PLEKHA1: variants seen among roughly 807,000 people sequenced by gnomAD.
PLEKHA1 encodes the protein pleckstrin homology domain containing A1.
A neutral mutation model predicts 52.0 loss-of-function variants in PLEKHA1; 34 were observed. That is an observed-to-expected ratio of 0.65 (90% CI 0.50 to 0.87). The LOEUF is 0.87. PLEKHA1 is among the 40% of genes least tolerant of loss of function. The probability of loss-of-function intolerance (pLI) is 0.00; values close to 1 mark genes in which losing one functional copy is unlikely to be tolerated. For missense variants in PLEKHA1, 497 were observed against 504.2 expected, an observed-to-expected ratio of 0.99 and a Z score of 0.14; for synonymous variants, 163 against 170.7, an observed-to-expected ratio of 0.95 and a Z score of 0.35.
intron 4 of PLEKHA1, among the ~76,000 whole-genome samples, chr10:122,401,838 G>A (rs1354259844): frequency 6.6e-6 from 1 of 152,154 alleles, no homozygotes; most frequent in East Asian, 1.9e-4. Flanking sequence ...AGATACTTTT[G>A]GGAGTAGAAT....
downstream of PLEKHA1, chr10:122,437,058 T>TC (rs1260551675): frequency 6.8e-6 from 1 of 146,892 alleles, no homozygotes; most frequent in East Asian, 2.2e-4. Flanking sequence ...TGTAACCTAT[T>TC]CCCTGTGGAA....
At chr10:122,423,775 A>G (rs2097297757) in intron 8 of PLEKHA1, 2 of 161,494 alleles carry the variant, frequency 1.2e-5, no homozygotes, top group South Asian at 3.7e-4. Context: ...GTATTTATAT[A>G]AAAGTGATAT....
rs1032974871 is a variant in PLEKHA1, at chr10:122,388,780, C to T, written c.-20-4401C>T. ...AGTTTTAACTCAATGTTGGTGGCTG[C>T]TGACTGATTAGGATAGTGGTTGCTG... On this transcript the variant is annotated intron_variant, in intron 1 of 11. Transcript: ENST00000368990. Among the ~76,000 whole-genome samples the T allele has an allele frequency of 3.3e-5, 5 of 152,318 alleles. No individual in the cohort carries two copies. In the East Asian group the frequency reaches 9.6e-4, roughly 29 times the overall value.
intron 8 of PLEKHA1, chr10:122,423,750 T>C (rs765756803): frequency 2.2e-4 from 34 of 157,444 alleles, no homozygotes; most frequent in Non-Finnish European, 4.3e-4. Flanking sequence ...CAGCACTTAG[T>C]AAACATTCAA....
At chr10:122,441,068 A>G in the PLEKHA1 span, 3 of 152,200 alleles carry the variant, frequency 2.0e-5, no homozygotes, top group Non-Finnish European at 2.9e-5. Context: ...AGAACTTGCT[A>G]GAAGTGCAAA....
intron 5 of PLEKHA1, among the ~76,000 whole-genome samples, chr10:122,407,345 A>G (rs963519470): frequency 3.9e-5 from 6 of 152,064 alleles, no homozygotes; most frequent in Non-Finnish European, 8.8e-5. Flanking sequence ...TTCCTGATGA[A>G]TATTTATTGA....
chr10:122,389,310 A>G (rs1004815067), intron 1 of PLEKHA1, among the ~76,000 whole-genome samples: 2 of 152,180 alleles, frequency 1.3e-5, no homozygotes, highest in Admixed American at 6.5e-5. Flanking sequence ...CACCTTGCAC[A>G]TTTTCATCAG....
chr10:122,399,775 CG>C (rs1258356354), intron 3 of PLEKHA1, among the ~76,000 whole-genome samples: 3 of 151,876 alleles, frequency 2.0e-5, no homozygotes, highest in African/African-American at 7.3e-5. Context: ...TTAGTAGAGA[CG>C]GGGTTTCACC....
rs2096801841 is a variant in PLEKHA1, at chr10:122,393,404, T to C, written c.141+63T>C. On this transcript the variant is annotated intron_variant, in intron 2 of 11. Transcript: ENST00000368990. The surrounding 1 kb of genome is among the most constrained non-coding windows in gnomAD (Gnocchi z 4.5). The stretch of plus-strand genomic sequence containing the variant: ...GAAAGTTGTATTTAAGTATTTAACA[T>C]ACTATACAGGCTTTAGATTTGTCTT... The C allele has an allele frequency of 7.0e-7, 1 of 1,418,920 alleles. No individual in the cohort carries two copies. The highest frequency in any genetic ancestry group is 2.7e-5 in the Admixed American group (1 of 36,630). 87.9% of individuals were successfully genotyped at this position (1,418,920 alleles called of 1,614,324 possible). A position where few individuals can be genotyped will look rare whatever the true frequency, so the allele number is the denominator to read the frequency against.
intron 1 of PLEKHA1, among the ~76,000 whole-genome samples, chr10:122,384,991 T>G (rs2096668763): frequency 6.6e-6 from 1 of 152,086 alleles, no homozygotes; most frequent in African/African-American, 2.4e-5. Context: ...GGTACTGGAT[T>G]TTTAACCTTT....
intron 4 of PLEKHA1, among the ~76,000 whole-genome samples, chr10:122,404,697 A>G (rs1453231401): frequency 1.3e-5 from 2 of 152,258 alleles, no homozygotes; most frequent in Admixed American, 6.5e-5. Context: ...GTCTCTAGAA[A>G]GATGTACAAG....
chr10:122,390,010 C>T (rs2096755084), intron 1 of PLEKHA1, among the ~76,000 whole-genome samples: 2 of 152,356 alleles, frequency 1.3e-5, no homozygotes, highest in Admixed American at 1.3e-4. Flanking sequence ...AATCTCTTTA[C>T]TGTACCCACC....
At chr10:122,397,001 T>C (rs1184765592) in intron 2 of PLEKHA1, among the ~76,000 whole-genome samples, 2 of 152,158 alleles carry the variant, frequency 1.3e-5, no homozygotes, top group Middle Eastern at 3.2e-3. Flanking sequence ...AATTCTTTGC[T>C]ACTTTTTTAT....
At chr10:122,398,638 A>G (rs2096884593) in intron 3 of PLEKHA1, among the ~76,000 whole-genome samples, 1 of 151,412 alleles carries the variant, frequency 6.6e-6, no homozygotes, top group Non-Finnish European at 1.5e-5. Context: ...TGTTACATAA[A>G]AGTAATAAAA....
intron 1 of PLEKHA1, 186 bp downstream of exon 1, chr10:122,374,992 A>C (rs1349632827): frequency 4.0e-5 from 6 of 151,734 alleles, no homozygotes. Context: ...CCCTCTGCGC[A>C]CGTCCGCGCC....
At chr10:122,435,817 G>A (rs2097435512), downstream of PLEKHA1, 1 of 151,844 alleles carries the variant, frequency 6.6e-6, no homozygotes, top group South Asian at 2.1e-4. Flanking sequence ...TATTCAGGAA[G>A]CTGAGGCAAT....
At chr10:122,416,392 T>A (rs2097175666) in intron 7 of PLEKHA1, among the ~76,000 whole-genome samples, 1 of 152,196 alleles carries the variant, frequency 6.6e-6, no homozygotes, top group Admixed American at 6.5e-5. Flanking sequence ...TCTTCCTTGT[T>A]TAGGCATTGG....
At chr10:122,406,741 C>A in intron 5 of PLEKHA1, 68 bp downstream of exon 5, 1 of 1,178,770 alleles carries the variant, frequency 8.5e-7, no homozygotes, top group Non-Finnish European at 1.3e-6. Context: ...TGAAAATACA[C>A]CTACCAAATG....
chr10:122,427,965 T>A (rs1047796174), intron 11 of PLEKHA1, among the ~76,000 whole-genome samples: 5 of 152,222 alleles, frequency 3.3e-5, no homozygotes, highest in Non-Finnish European at 7.3e-5. Context: ...GAAATCAATG[T>A]TTCTGATTTC....
Sources: gnomAD v4.1 joint callset for allele counts (sites outside exome capture counted in the v4.1 genomes callset) on GRCh38, gnomAD v4.1.1 for gene constraint, Gnocchi (gnomAD v3.1) non-coding constraint, MANE v1.5 for transcripts, NCBI Gene and HGNC (gene_info 2026-07-23, HGNC 2026-07-21) for gene names.